XPNPEP3: variants seen among roughly 807,000 people sequenced by gnomAD.
XPNPEP3 encodes xaa-Pro aminopeptidase 3.
XPNPEP3 carries 41 observed loss-of-function variants against 60.0 expected under a neutral mutation model. The observed-to-expected ratio is 0.68, with a 90% CI of 0.53 to 0.89. XPNPEP3 has a LOEUF of 0.89. Ranked by LOEUF, XPNPEP3 falls within the 40% of genes least tolerant of loss-of-function variation. XPNPEP3 has a pLI of 0.00. For synonymous variants in XPNPEP3, 212 were observed against 223.2 expected, an observed-to-expected ratio of 0.95 and a Z score of 0.45; for missense variants, 598 against 638.9, an observed-to-expected ratio of 0.94 and a Z score of 0.69.
At chr22:40,891,319 C>T (rs2058087610) in intron 4 of XPNPEP3, among the ~76,000 whole-genome samples, 1 of 151,252 alleles carries the variant, frequency 6.6e-6, no homozygotes, top group Non-Finnish European at 1.5e-5. Flanking sequence ...ACGATCATGC[C>T]ACTGCACTCT....
At position 40,927,694 on chromosome 22, in the gene XPNPEP3, A is replaced by G. The variant is rs2058239158; in HGVS notation, c.*1259A>G. 1 of 152,004 alleles carries G rather than the reference A, an allele frequency of 6.6e-6. No individual in the cohort carries two copies. The highest frequency in any genetic ancestry group is 2.4e-5 in the African/African-American group (1 of 41,366). 9.4% of individuals were successfully genotyped at this position (152,004 alleles called of 1,614,324 possible). ...TTGAGACCTCCTGGCTAACACGGTG[A>G]AACCCCGTCTTTACTAAAAATACAA... is the stretch of plus-strand genomic sequence containing the variant. On this transcript the variant is annotated 3_prime_UTR_variant, in exon 10 of 10. Transcript: ENST00000357137.
intron 3 of XPNPEP3, among the ~76,000 whole-genome samples, chr22:40,885,506 A>G (rs1304340781): frequency 1.3e-5 from 2 of 152,202 alleles, no homozygotes; most frequent in African/African-American, 4.8e-5. Flanking sequence ...TTCCATAGCA[A>G]TGAATAATTG....
At chr22:40,859,889 T>C (rs373960779) in intron 1 of XPNPEP3, 1 of 152,198 alleles carries the variant, frequency 6.6e-6, no homozygotes, top group East Asian at 1.9e-4. Flanking sequence ...GGTGCTATTT[T>C]AGAGTAATGT....
intron 1 of XPNPEP3, among the ~76,000 whole-genome samples, chr22:40,864,204 ACCATATAGGGTAACTT>A (rs2057965963): frequency 6.6e-6 from 1 of 152,158 alleles, no homozygotes; most frequent in South Asian, 2.1e-4. Context: ...CCCATTTCAG[ACCATATAGGGTAACTT>A]CCTGACGTTG....
intron 6 of XPNPEP3, among the ~76,000 whole-genome samples, chr22:40,913,577 C>A (rs1694548712): frequency 6.6e-6 from 1 of 151,530 alleles, no homozygotes; most frequent in Non-Finnish European, 1.5e-5. Flanking sequence ...AAAGCAAAGG[C>A]ATATGGGTTT....
intron 1 of XPNPEP3, among the ~76,000 whole-genome samples, chr22:40,864,978 C>T (rs1354664423): frequency 6.6e-6 from 1 of 152,164 alleles, no homozygotes; most frequent in Non-Finnish European, 1.5e-5. Flanking sequence ...AAATTCTGCT[C>T]TTAAGAAATT....
At chr22:40,867,525 T>C (rs1045706978) in intron 1 of XPNPEP3, among the ~76,000 whole-genome samples, 2 of 152,012 alleles carry the variant, frequency 1.3e-5, no homozygotes, top group African/African-American at 4.8e-5. Flanking sequence ...AGAAAAATCA[T>C]AGCTTCTAAG....
At chr22:40,902,743 T>C (rs778915878) in intron 4 of XPNPEP3, among the ~76,000 whole-genome samples, 1 of 152,222 alleles carries the variant, frequency 6.6e-6, no homozygotes, top group African/African-American at 2.4e-5. Context: ...GACCTAGAGA[T>C]AGTGCTTGCA....
chr22:40,865,822 A>G (rs2057976044), intron 1 of XPNPEP3, among the ~76,000 whole-genome samples: 1 of 152,152 alleles, frequency 6.6e-6, no homozygotes, highest in African/African-American at 2.4e-5. Context: ...AGCATGAGCC[A>G]CCATGCCCAG....
At chr22:40,870,994 A>G (rs1159435709) in intron 2 of XPNPEP3, among the ~76,000 whole-genome samples, 1 of 151,994 alleles carries the variant, frequency 6.6e-6, no homozygotes, top group East Asian at 1.9e-4. Flanking sequence ...GTGCCACTGC[A>G]CTCCAGCTTG....
chr22:40,868,472 T>C (rs1038625547), intron 1 of XPNPEP3, among the ~76,000 whole-genome samples: 10 of 151,958 alleles, frequency 6.6e-5, no homozygotes, highest in Non-Finnish European at 8.8e-5. Context: ...TAAAATATTA[T>C]AGCAGACAAA....
At chr22:40,866,759 CTTT>C (rs557397199) in intron 1 of XPNPEP3, among the ~76,000 whole-genome samples, 253 of 152,164 alleles carry the variant, frequency 1.7e-3, no homozygotes, top group Non-Finnish European at 3.1e-3. Context: ...CTATTGAGAC[CTTT>C]TTTAAAAATT....
intron 3 of XPNPEP3, among the ~76,000 whole-genome samples, chr22:40,885,023 G>A (rs151291225): frequency 7.4e-5 from 11 of 148,858 alleles, no homozygotes; most frequent in South Asian, 4.2e-4. Context: ...GCAAGACTAC[G>A]TCTCAAAAAA....
intron 1 of XPNPEP3, chr22:40,862,100 TAC>T: frequency 6.6e-7 from 1 of 1,507,504 alleles, no homozygotes. Context: ...TGCAAATAGG[TAC>T]ACTTTTATGT....
At chr22:40,920,384 AGAAAT>A (rs2058211921) in intron 7 of XPNPEP3, among the ~76,000 whole-genome samples, 1 of 152,158 alleles carries the variant, frequency 6.6e-6, no homozygotes. Context: ...AAAGAAAAAA[AGAAAT>A]GAACATGAGG....
At chr22:40,913,237 G>A (rs1385509239) in intron 6 of XPNPEP3, among the ~76,000 whole-genome samples, 2 of 152,096 alleles carry the variant, frequency 1.3e-5, no homozygotes, top group East Asian at 1.9e-4. Context: ...TTGGGAGGCC[G>A]AGGCAGGCGG....
chr22:40,873,098 CTTTTTTTTTTTT>C (rs138353), intron 2 of XPNPEP3, among the ~76,000 whole-genome samples: 4 of 88,504 alleles, frequency 4.5e-5, no homozygotes, highest in South Asian at 4.2e-4. Context: ...TTTTCTTTTT[CTTTTTTTTTTTT>C]TTTTTTTTTT....
intron 1 of XPNPEP3, among the ~76,000 whole-genome samples, chr22:40,864,294 A>G (rs1455973748): frequency 6.6e-6 from 1 of 152,172 alleles, no homozygotes; most frequent in Non-Finnish European, 1.5e-5. Flanking sequence ...ATCAGAGGTT[A>G]CTGTCATTGC....
At position 40,922,347 on chromosome 22, in the gene XPNPEP3, A is replaced by G. The variant is rs376054863; in HGVS notation, c.1070A>G (p.Gln357Arg). 2.5e-6 allele frequency: 4 copies of G among 1,613,860 alleles called. No individual in the cohort carries two copies. The highest frequency in any genetic ancestry group is 3.4e-6 in the Non-Finnish European group (4 of 1,179,836). ...WPVNGRFTAP[Q>R]AELYEAVLEI... is the part of the protein sequence containing the mutation. ...CCCGTCCCCAGGTTCACCGCACCTC[A>G]GGCAGAACTCTATGAAGCCGTTCTA... The change falls in exon 8 of 10, where the codon CAG becomes CGG. Residue 357 changes from glutamine (Q) to arginine (R), a missense_variant. By Grantham distance (43) the Gln-to-Arg change is conservative (BLOSUM62 1). Coordinates refer to ENST00000357137, the MANE Select transcript of XPNPEP3 (RefSeq NM_022098.4).
Sources: gnomAD v4.1 joint callset for allele counts (sites outside exome capture counted in the v4.1 genomes callset) on GRCh38, gnomAD v4.1.1 for gene constraint, MANE v1.5 for transcripts, NCBI Gene and HGNC (gene_info 2026-07-23, HGNC 2026-07-21) for gene names.